Variants in COMMD6 observed in about 807,000 individuals in gnomAD.
COMMD6 encodes the protein COMM domain-containing protein 6.
COMMD6 carries 11 observed loss-of-function variants against 13.4 expected under a neutral mutation model. That is an observed-to-expected ratio of 0.82 (90% CI 0.52 to 1.36). COMMD6 has a LOEUF of 1.36. Among genes scored for constraint, COMMD6 ranks in the 40% most tolerant of loss-of-function variants. The probability of loss-of-function intolerance (pLI) is 0.00; values close to 1 mark genes in which losing one functional copy is unlikely to be tolerated. For missense variants in COMMD6, 124 were observed against 102.4 expected (o/e 1.21, Z -0.91); for synonymous variants, 43 against 36.5 (o/e 1.18, Z -0.64).
upstream of COMMD6, among the ~76,000 whole-genome samples, chr13:75,540,346 A>ACACACACACC (rs1555271324): frequency 8.1e-6 from 1 of 123,592 alleles, no homozygotes; most frequent in Non-Finnish European, 1.6e-5. Flanking sequence ...ACACACACCC[A>ACACACACACC]CACACACACA....
intron 3 of COMMD6, among the ~76,000 whole-genome samples, chr13:75,528,217 C>A (rs571674988): frequency 1.3e-5 from 2 of 151,962 alleles, no homozygotes; most frequent in African/African-American, 4.8e-5. Context: ...AAAAGTTAAT[C>A]CAATTGTGAT....
intron 1 of COMMD6, among the ~76,000 whole-genome samples, chr13:75,547,521 A>G (rs1194035015): frequency 6.6e-6 from 1 of 152,224 alleles, no homozygotes; most frequent in African/African-American, 2.4e-5. Flanking sequence ...AGAACCAGTG[A>G]TGCCCAATCT....
upstream of COMMD6, chr13:75,537,847 C>G: frequency 1.3e-6 from 2 of 1,550,592 alleles, no homozygotes; most frequent in Non-Finnish European, 1.7e-6. Context: ...GAGAGAACGC[C>G]CCCAGACCAG....
chr13:75,540,336 A>ACACACC (rs1293124519), upstream of COMMD6, among the ~76,000 whole-genome samples: 19 of 94,556 alleles, frequency 2.0e-4, no homozygotes, highest in Admixed American at 2.3e-3. Flanking sequence ...ACACACACAC[A>ACACACC]CACACACCCA....
At chr13:75,530,088 A>G in intron 3 of COMMD6, 26 bp downstream of exon 3, 1 of 1,585,426 alleles carries the variant, frequency 6.3e-7, no homozygotes. Context: ...AAGCTGAGCT[A>G]AAACTGGATG....
At chr13:75,544,911 G>A (rs1330049334) in intron 1 of COMMD6, among the ~76,000 whole-genome samples, 3 of 118,472 alleles carry the variant, frequency 2.5e-5, no homozygotes, top group African/African-American at 9.3e-5. Context: ...GGGCGACCAA[G>A]CAAGACTCTG....
upstream of COMMD6, chr13:75,538,882 G>A (rs1477969449): frequency 6.6e-6 from 1 of 152,112 alleles, no homozygotes; most frequent in Non-Finnish European, 1.5e-5. Flanking sequence ...AGGTTCCGGG[G>A]TGGTGGGGTT....
At chr13:75,540,947 C>CT (rs1227609145), upstream of COMMD6, among the ~76,000 whole-genome samples, 3 of 152,244 alleles carry the variant, frequency 2.0e-5, no homozygotes, top group South Asian at 2.1e-4. Context: ...TATTTTAAGA[C>CT]TTTTTTGTGC....
At chr13:75,533,749 T>C (rs1449646745) in intron 2 of COMMD6, among the ~76,000 whole-genome samples, 3 of 152,068 alleles carry the variant, frequency 2.0e-5, no homozygotes, top group Admixed American at 6.6e-5. Flanking sequence ...ACAACTATAG[T>C]TGTTTATAGA....
upstream of COMMD6, among the ~76,000 whole-genome samples, chr13:75,543,050 A>T (rs2030850659): frequency 6.6e-6 from 1 of 152,258 alleles, no homozygotes; most frequent in Non-Finnish European, 1.5e-5. Context: ...ATGGGGCTGA[A>T]GGCCATTATC....
chr13:75,532,626 T>G (rs2030522598), intron 2 of COMMD6, among the ~76,000 whole-genome samples: 1 of 151,980 alleles, frequency 6.6e-6, no homozygotes, highest in Non-Finnish European at 1.5e-5. Flanking sequence ...GGTCAGGAGA[T>G]CAGAATCATC....
intron 2 of COMMD6, among the ~76,000 whole-genome samples, chr13:75,531,308 G>C (rs2030471038): frequency 6.6e-6 from 1 of 152,132 alleles, no homozygotes; most frequent in South Asian, 2.1e-4. Context: ...AAATAGAATG[G>C]TTCCCAAGTG....
intron 2 of COMMD6, among the ~76,000 whole-genome samples, chr13:75,532,629 G>A (rs7989520): frequency 0.65 from 99,051 of 152,010 alleles, 33,276 homozygotes; most frequent in Middle Eastern, 0.76. Flanking sequence ...CAGGAGATCA[G>A]AATCATCCTG....
chr13:75,545,907 T>C (rs1418920136), intron 1 of COMMD6, among the ~76,000 whole-genome samples: 2 of 152,224 alleles, frequency 1.3e-5, no homozygotes. Context: ...CTATATTTAC[T>C]ATGGTTAATT....
chr13:75,534,473 C>T (rs1179924545), intron 2 of COMMD6, among the ~76,000 whole-genome samples: 1 of 152,170 alleles, frequency 6.6e-6, no homozygotes, highest in African/African-American at 2.4e-5. Context: ...AGCAAACCTT[C>T]TAATAAGTGT....
At chr13:75,542,314 A>G (rs2030838579), upstream of COMMD6, among the ~76,000 whole-genome samples, 1 of 137,606 alleles carries the variant, frequency 7.3e-6, no homozygotes, top group African/African-American at 2.7e-5. Flanking sequence ...TTTGATACAG[A>G]GTTTCACTCT....
Position 75,525,217 on chromosome 13 carries a change from C to CTT in COMMD6, c.*1371_*1372insAA, listed in dbSNP as rs2030197710. On this transcript the variant is annotated 3_prime_UTR_variant, in exon 4 of 4. Transcript: ENST00000682242. ...TTGCTTTTTAAATTCAAAAGACAAA[C>CTT]ATGCAATTTAAATTTATTTCAAATC... 1 of 151,788 alleles carries CTT rather than the reference C, an allele frequency of 6.6e-6. No individual in the cohort carries two copies. The highest frequency in any genetic ancestry group is 1.9e-4 in the East Asian group (1 of 5,192). The allele number at this position is 151,788 out of a possible 1,614,324, so 9.4% of individuals were successfully genotyped here. A position where few individuals can be genotyped will look rare whatever the true frequency, so the allele number is the denominator to read the frequency against.
intron 1 of COMMD6, among the ~76,000 whole-genome samples, chr13:75,544,357 GT>G (rs2030869911): frequency 6.6e-6 from 1 of 152,170 alleles, no homozygotes; most frequent in African/African-American, 2.4e-5. Context: ...CCTTCCAGTT[GT>G]CACAGTCCTT....
At chr13:75,533,093 G>C (rs2030544178) in intron 2 of COMMD6, among the ~76,000 whole-genome samples, 1 of 151,852 alleles carries the variant, frequency 6.6e-6, no homozygotes, top group Non-Finnish European at 1.5e-5. Flanking sequence ...ACCATGACGG[G>C]CTAATTTTTT....
Sources: allele counts gnomAD v4.1 joint callset (sites outside exome capture counted in the v4.1 genomes callset), GRCh38; gene constraint gnomAD v4.1.1; transcripts MANE v1.5; gene names NCBI Gene and HGNC (gene_info 2026-07-23, HGNC 2026-07-21).